The following ZFYVE16 variants were observed in gnomAD, a reference collection of about 807,000 sequenced individuals.
The protein encoded by ZFYVE16 is zinc finger FYVE domain-containing protein 16.
ZFYVE16 carries 89 observed loss-of-function variants against 138.1 expected under a neutral mutation model. The observed-to-expected ratio is 0.64, with a 90% confidence interval of 0.54 to 0.77. The LOEUF (loss-of-function observed/expected upper bound fraction) is 0.77. Among genes scored for constraint, ZFYVE16 ranks in the 30% least tolerant of loss-of-function variants. The pLI, the probability that ZFYVE16 is intolerant of heterozygous loss-of-function variation, is 0.00. For synonymous variants in ZFYVE16, 596 were observed against 618.3 expected, an observed-to-expected ratio of 0.96 and a Z score of 0.53; for missense variants, 1,793 against 1,786.7, an observed-to-expected ratio of 1.00 and a Z score of -0.06.
chr5:80,447,233 C>CT (rs1373929091), intron 7 of ZFYVE16, among the ~76,000 whole-genome samples: 1 of 131,358 alleles, frequency 7.6e-6, no homozygotes, highest in Admixed American at 9.4e-5. Flanking sequence ...CGCCAATGTA[C>CT]TGCAGCCTGG....
chr5:80,411,937 A>G (rs745607885), intron 1 of ZFYVE16, among the ~76,000 whole-genome samples: 2 of 152,034 alleles, frequency 1.3e-5, no homozygotes, highest in Non-Finnish European at 2.9e-5. Flanking sequence ...AAAACTTCTC[A>G]TTATTTTGCC....
In ZFYVE16 at chr5:80,443,047, AT is replaced by A. The variant is rs1580243613; in HGVS notation, c.2420-75del. The stretch of plus-strand genomic sequence containing the variant: ...TTCTCCTTACAACTTGAAAAATAGA[AT>A]ATTTATTGTAATTTACTTTGAAGTA... On this transcript the variant is annotated intron_variant, in intron 5 of 18. Coordinates refer to ENST00000505560, the MANE Select transcript of ZFYVE16 (RefSeq NM_001284236.3). 2.2e-5 allele frequency: 29 copies of A among 1,334,674 alleles called. No individual in the cohort carries two copies. In the East Asian group the frequency reaches 7.9e-4, roughly 36 times the overall value. The allele number at this position is 1,334,674 out of a possible 1,614,324, so 82.7% of individuals were successfully genotyped here.
At chr5:80,422,756 A>G (rs895347330) in intron 1 of ZFYVE16, among the ~76,000 whole-genome samples, 4 of 152,000 alleles carry the variant, frequency 2.6e-5, no homozygotes, top group Non-Finnish European at 4.4e-5. Context: ...TCCAGCCTGG[A>G]TATTGTTTTT....
chr5:80,419,807 TTTTTG>T (rs140472445), intron 1 of ZFYVE16, among the ~76,000 whole-genome samples: 22,093 of 151,862 alleles, frequency 0.15, 1,847 homozygotes, highest in Middle Eastern at 0.24. Flanking sequence ...CTTTGGTTTT[TTTTTG>T]TTTTGTTTTA....
intron 7 of ZFYVE16, among the ~76,000 whole-genome samples, chr5:80,447,136 T>C (rs2544604): frequency 0.86 from 131,178 of 151,674 alleles, 57,699 homozygotes; most frequent in Non-Finnish European, 0.94. Flanking sequence ...TTGTGGCGCA[T>C]GCCTGTAGTC....
chr5:80,424,335 T>C (rs1747683293), intron 1 of ZFYVE16, among the ~76,000 whole-genome samples: 1 of 152,238 alleles, frequency 6.6e-6, no homozygotes, highest in Non-Finnish European at 1.5e-5. Flanking sequence ...TTTTTTGTTC[T>C]CTATATGTAG....
chr5:80,469,797 A>T (rs1580357266), intron 15 of ZFYVE16, among the ~76,000 whole-genome samples: 1 of 112,368 alleles, frequency 8.9e-6, no homozygotes, highest in East Asian at 2.9e-4. Context: ...ATTTTTCTTT[A>T]TGTTCTCCAA....
intron 8 of ZFYVE16, among the ~76,000 whole-genome samples, chr5:80,448,710 T>C (rs1224666053): frequency 1.3e-5 from 2 of 149,812 alleles, no homozygotes; most frequent in Admixed American, 6.6e-5. Context: ...ATTATTACTA[T>C]TTTTTTTTAG....
chr5:80,413,867 G>C (rs1174934754), intron 1 of ZFYVE16, among the ~76,000 whole-genome samples: 2 of 152,108 alleles, frequency 1.3e-5, no homozygotes, highest in African/African-American at 4.8e-5. Flanking sequence ...GCGATTTGAA[G>C]TATAGTTTAC....
At chr5:80,473,960 A>G in intron 17 of ZFYVE16, 101 bp downstream of exon 17, 6 of 813,772 alleles carry the variant, frequency 7.4e-6, no homozygotes, top group Non-Finnish European at 1.2e-5. Flanking sequence ...TGCATAGCTT[A>G]TTATACTTTT....
intron 15 of ZFYVE16, among the ~76,000 whole-genome samples, chr5:80,462,005 C>T (rs1412535968): frequency 6.6e-6 from 1 of 151,964 alleles, no homozygotes; most frequent in Non-Finnish European, 1.5e-5. Context: ...CCAGTCCTTT[C>T]AGATTAAGGC....
At position 80,455,792 on chromosome 5, in the gene ZFYVE16, T is replaced by C. The variant is rs1368904059; in HGVS notation, c.3690+18T>C. On this transcript the variant is annotated intron_variant, in intron 12 of 18. Transcript: ENST00000505560. ...TACTTGTTGTGAGTAATTGAACTAT[T>C]TTATTAGGTATTTTTATACTGTTAC... 3 of 1,548,126 alleles carry C rather than the reference T, an allele frequency of 1.9e-6. No homozygotes were observed. Among genetic ancestry groups the C allele is most frequent in the Non-Finnish European group, 2.6e-6 (3 of 1,150,600 alleles).
rs557346 is a variant in ZFYVE16 at position 80,483,329 on chromosome 5, C to T, written c.*5952C>T. Among the ~76,000 whole-genome samples the T allele has an allele frequency of 0.88, 133,207 of 152,206 alleles. 59,011 individuals carry two copies. Among genetic ancestry groups the T allele is most frequent in the Non-Finnish European group, 0.94 (64,155 of 68,028 alleles). On this transcript the variant is annotated 3_prime_UTR_variant, in exon 19 of 19. Transcript: ENST00000505560. ...TCTCTGGATAAACCAAATAGACTTA[C>T]ATGTTTGTTAAAATATATGTAACTG...
chr5:80,473,985 A>G (rs1228215235), intron 17 of ZFYVE16, 126 bp downstream of exon 17: 8 of 648,076 alleles, frequency 1.2e-5, no homozygotes, highest in African/African-American at 1.9e-5. Context: ...CTACACTTTG[A>G]GACATACGCA....
Position 80,445,269 on chromosome 5 carries a change from G to A in ZFYVE16, c.2588G>A (p.Cys863Tyr). The A allele has an allele frequency of 6.2e-7, 1 of 1,612,762 alleles. No individual in the cohort carries two copies. The highest frequency in any genetic ancestry group is 1.3e-5 in the African/African-American group (1 of 74,978). ...CTTTTTCAATTGATTCTAGGACTAT[G>A]TTCCAAAGAACAGAAGAGAGTATGG... is the stretch of plus-strand genomic sequence containing the variant. ...ALKQPGVEGL[C>Y]SKEQKRVWFA... The change falls in exon 7 of 19, where the codon TGT becomes TAT. Residue 863 changes from cysteine to tyrosine, a missense_variant. This residue lies in a region of ZFYVE16 where 1,295 missense variants were observed against 1,204.3 expected (regional missense o/e 1.08). Transcript: ENST00000505560.
At chr5:80,412,835 G>A (rs534422123) in intron 1 of ZFYVE16, among the ~76,000 whole-genome samples, 140 of 151,964 alleles carry the variant, frequency 9.2e-4, no homozygotes, top group Non-Finnish European at 1.6e-3. Context: ...TATATTTATC[G>A]AAGGGATACC....
chr5:80,442,290 A>C (rs1446649883), intron 5 of ZFYVE16, among the ~76,000 whole-genome samples: 2 of 152,108 alleles, frequency 1.3e-5, no homozygotes, highest in African/African-American at 4.8e-5. Context: ...TTTATGGTAG[A>C]GATGCGGTTT....
At chr5:80,425,755 G>A (rs759689521) in intron 1 of ZFYVE16, among the ~76,000 whole-genome samples, 2 of 152,078 alleles carry the variant, frequency 1.3e-5, no homozygotes, top group Non-Finnish European at 2.9e-5. Context: ...TTTTTAGGCA[G>A]TAATATTTTT....
chr5:80,468,127 A>G (rs750477058), intron 15 of ZFYVE16, among the ~76,000 whole-genome samples: 18 of 152,148 alleles, frequency 1.2e-4, no homozygotes, highest in Non-Finnish European at 2.6e-4. Flanking sequence ...TGTTCGTTTT[A>G]GGATCAACTT....
Sources: gnomAD v4.1 joint callset for allele counts (sites outside exome capture counted in the v4.1 genomes callset) on GRCh38, gnomAD v4.1.1 for gene constraint, gnomAD v4.1.1 regional missense constraint, MANE v1.5 for transcripts, NCBI Gene and HGNC (gene_info 2026-07-23, HGNC 2026-07-21) for gene names.